Variants in MACF1 observed in about 807,000 individuals in gnomAD.
MACF1 encodes microtubule-actin cross-linking factor 1.
MACF1 carries 193 observed loss-of-function variants against 854.8 expected under a neutral mutation model. The ratio of observed to expected loss-of-function variants is 0.23; its 90% CI spans 0.20 to 0.25. The LOEUF is 0.25. Among genes scored for constraint, MACF1 ranks in the 10% least tolerant of loss-of-function variants. The probability of loss-of-function intolerance (pLI) is 1.00; values close to 1 mark genes in which losing one functional copy is unlikely to be tolerated. For missense variants in MACF1, 7,722 were observed against 8,929.1 expected, an observed-to-expected ratio of 0.86 and a Z score of 5.45; for synonymous variants, 3,185 against 3,226.7, an observed-to-expected ratio of 0.99 and a Z score of 0.44.
At chr1:39,287,259 T>G in intron 14 of MACF1, 27 bp from the exon 15 acceptor site, 3 of 1,606,254 alleles carry the variant, frequency 1.9e-6, no homozygotes, top group Non-Finnish European at 2.6e-6. Context: ...TTTAAATCCT[T>G]TCCTTTTTTC....
chr1:39,281,688 T>C (rs957342781), intron 6 of MACF1, among the ~76,000 whole-genome samples: 1 of 152,178 alleles, frequency 6.6e-6, no homozygotes, highest in Non-Finnish European at 1.5e-5. Context: ...TTTTAGGTGC[T>C]ACAAAGAATT....
chr1:39,269,779 A>G (rs1460689084), intron 6 of MACF1: 15 of 1,218,496 alleles, frequency 1.2e-5, no homozygotes, highest in South Asian at 1.4e-5. Flanking sequence ...GCCCTCAAAC[A>G]TATTAAAGCT....
At chr1:39,413,186 C>T (rs530448143) in intron 58 of MACF1, 1 of 1,613,516 alleles carries the variant, frequency 6.2e-7, no homozygotes, top group East Asian at 2.2e-5. Flanking sequence ...CCAGAAGGGC[C>T]TGTCACCCCA....
chr1:39,268,549 G>A (rs1645263313), intron 6 of MACF1: 17 of 1,170,030 alleles, frequency 1.5e-5, no homozygotes, highest in East Asian at 6.2e-5. Flanking sequence ...AGAGAGAGGC[G>A]GGGAGGGAGG....
intron 4 of MACF1, among the ~76,000 whole-genome samples, chr1:39,252,394 C>G (rs531739233): frequency 1.4e-4 from 22 of 152,260 alleles, no homozygotes; most frequent in African/African-American, 5.3e-4. Flanking sequence ...CATTTGTTTT[C>G]AAAACAGCCT....
intron 2 of MACF1, among the ~76,000 whole-genome samples, chr1:39,104,019 A>G (rs947553223): frequency 1.3e-5 from 2 of 152,244 alleles, no homozygotes; most frequent in African/African-American, 2.4e-5. Flanking sequence ...TTCTCCTTCA[A>G]ACTCTTGAGA....
intron 38 of MACF1, among the ~76,000 whole-genome samples, chr1:39,339,115 C>G (rs931033750): frequency 4.6e-5 from 7 of 151,948 alleles, no homozygotes; most frequent in Admixed American, 1.3e-4. Flanking sequence ...ATTAGCCAAG[C>G]CTGGTGGTAT....
chr1:39,317,065 T>C (rs1446568832), intron 28 of MACF1, 149 bp from the exon 29 acceptor site: 7 of 749,644 alleles, frequency 9.3e-6, no homozygotes, highest in Non-Finnish European at 1.5e-5. Flanking sequence ...CCATGACATG[T>C]GGAGGCAGTC....
At chr1:39,448,392 C>G (rs1359605093) in intron 83 of MACF1, among the ~76,000 whole-genome samples, 1 of 152,126 alleles carries the variant, frequency 6.6e-6, no homozygotes, top group Non-Finnish European at 1.5e-5. Flanking sequence ...TAGGCTTTCA[C>G]AAATTGTCAG....
At chr1:39,150,929 A>C (rs1643565659) in intron 2 of MACF1, among the ~76,000 whole-genome samples, 1 of 152,052 alleles carries the variant, frequency 6.6e-6, no homozygotes, top group Non-Finnish European at 1.5e-5. Flanking sequence ...AGTTTTCATG[A>C]GTGATCTTAT....
At chr1:39,238,769 C>T (rs1005046190) in intron 2 of MACF1, among the ~76,000 whole-genome samples, 2 of 152,150 alleles carry the variant, frequency 1.3e-5, no homozygotes, top group African/African-American at 4.8e-5. Flanking sequence ...CTTCCCAGGC[C>T]CCCAGCCTTA....
intron 2 of MACF1, among the ~76,000 whole-genome samples, chr1:39,118,411 T>TA (rs1303192679): frequency 6.6e-6 from 1 of 152,260 alleles, no homozygotes; most frequent in Non-Finnish European, 1.5e-5. Context: ...GAGGTCCTCA[T>TA]ACCTTTCAGA....
chr1:39,405,129 C>T (rs1401525238), intron 58 of MACF1, among the ~76,000 whole-genome samples: 2 of 152,130 alleles, frequency 1.3e-5, no homozygotes, highest in Non-Finnish European at 2.9e-5. Flanking sequence ...TACATGAGAG[C>T]TCAAATAGCA....
At chr1:39,252,966 T>C (rs2148336014) in intron 4 of MACF1, among the ~76,000 whole-genome samples, 1 of 152,342 alleles carries the variant, frequency 6.6e-6, no homozygotes, top group South Asian at 2.1e-4. Flanking sequence ...TGTTGTTCTC[T>C]GCAGACACCC....
rs929161907 is a variant in MACF1, at chr1:39,319,765, C to T, written c.4029+18C>T. 33 of 1,550,128 alleles carry T rather than the reference C, an allele frequency of 2.1e-5. No individual in the cohort carries two copies. Among genetic ancestry groups the T allele is most frequent in the Non-Finnish European group, 2.9e-5 (33 of 1,125,724 alleles). On this transcript the variant is annotated intron_variant, in intron 31 of 100. Transcript: ENST00000564288. ...TTGTAAAGGTAACTTTACCACATCC[C>T]AAAAAGAACATGAATCATCACCAGC... is the stretch of plus-strand genomic sequence containing the variant.
intron 2 of MACF1, among the ~76,000 whole-genome samples, chr1:39,095,718 C>CAA (rs36115430): frequency 0.022 from 3,185 of 143,618 alleles, 104 homozygotes; most frequent in African/African-American, 0.068. Flanking sequence ...ACCATCTCCA[C>CAA]AAAAAAAAAA....
intron 1 of MACF1, among the ~76,000 whole-genome samples, chr1:39,220,481 ATTTTT>A (rs370805398): frequency 1.6e-5 from 2 of 126,428 alleles, no homozygotes; most frequent in Admixed American, 8.6e-5. Context: ...CCTTTAATGA[ATTTTT>A]TTTTTTTTTT....
At position 39,372,532 on chromosome 1, in the gene MACF1, C is replaced by T. The variant is rs1489310985; in HGVS notation, c.13149C>T (p.Cys4383=). 1 of 1,613,842 alleles carries T rather than the reference C, an allele frequency of 6.2e-7. No homozygotes were observed. Among genetic ancestry groups the T allele is most frequent in the Non-Finnish European group, 8.5e-7 (1 of 1,179,842 alleles). Residue 4383 remains cysteine, a synonymous_variant, in exon 52 of 101, where the codon TGC becomes TGT. Coordinates refer to ENST00000564288, the MANE Select transcript of MACF1 (RefSeq NM_001394062.1). ...GAACTCTGGTGGAAGAAATCAATTG[C>T]AAAGGTACTTCTTTAGAAAATCTCA... ...SKGTLVEEIN[C]KGTSLENLIM... is the part of the protein sequence containing the mutation.
At chr1:39,198,575 C>T (rs536003102) in intron 2 of MACF1, among the ~76,000 whole-genome samples, 1 of 150,638 alleles carries the variant, frequency 6.6e-6, no homozygotes, top group Non-Finnish European at 1.5e-5. Flanking sequence ...TGCTTGGAGC[C>T]GGGAGACGGA....
Sources: gnomAD v4.1 joint callset for allele counts (sites outside exome capture counted in the v4.1 genomes callset) on GRCh38, gnomAD v4.1.1 for gene constraint, MANE v1.5 for transcripts, NCBI Gene and HGNC (gene_info 2026-07-23, HGNC 2026-07-21) for gene names.